MAGI2: variants seen among roughly 807,000 people sequenced by gnomAD.
MAGI2 encodes the protein membrane associated guanylate kinase, WW and PDZ domain containing 2, also known as membrane-associated guanylate kinase, WW and PDZ domain-containing protein 2.
A neutral mutation model predicts 133.3 loss-of-function variants in MAGI2; 35 were observed. The ratio of observed to expected loss-of-function variants is 0.26; its 90% confidence interval spans 0.20 to 0.35. MAGI2 has a LOEUF of 0.35. MAGI2 is among the 10% of genes least tolerant of loss of function. MAGI2 has a pLI of 1.00. For synonymous variants in MAGI2, 729 were observed against 710.6 expected, an observed-to-expected ratio of 1.03 and a Z score of -0.41; for missense variants, 1,636 against 1,863.4, an observed-to-expected ratio of 0.88 and a Z score of 2.25.
intron 9 of MAGI2, among the ~76,000 whole-genome samples, chr7:78,269,768 A>C (rs1189947686): frequency 6.6e-6 from 1 of 152,088 alleles, no homozygotes; most frequent in African/African-American, 2.4e-5. Context: ...GAAGGCCTTT[A>C]ATTAGATCCC....
At chr7:79,384,045 T>C (rs1380058155) in intron 1 of MAGI2, among the ~76,000 whole-genome samples, 1 of 151,598 alleles carries the variant, frequency 6.6e-6, no homozygotes, top group African/African-American at 2.4e-5. Flanking sequence ...TGAATATTTA[T>C]TTAATGGTTT....
rs1584992452 is a variant in MAGI2, at chr7:78,065,767, G to A, written c.3706+13180C>T. 8.5e-6 allele frequency: 4 copies of A among 468,096 alleles called. No homozygotes were observed. In the East Asian group the frequency reaches 1.3e-4, roughly 15 times the overall value. The allele number at this position is 468,096 out of a possible 1,614,324, so 29.0% of individuals were successfully genotyped here. Reference sequence around the variant, plus strand: ...GAATCAAGATTGCTTAGTATGTTTAGAGCAGTTGAATAAAAATTATCTAGG... The same window carrying A: ...GAATCAAGATTGCTTAGTATGTTTAAAGCAGTTGAATAAAAATTATCTAGG... On this transcript the variant is annotated intron_variant, in intron 21 of 21. Coordinates refer to ENST00000354212, the MANE Select transcript of MAGI2 (RefSeq NM_012301.4).
chr7:78,886,922 T>A (rs181894807), intron 2 of MAGI2, among the ~76,000 whole-genome samples: 6 of 152,116 alleles, frequency 3.9e-5, no homozygotes, highest in Non-Finnish European at 8.8e-5. Flanking sequence ...GTCCCCACCA[T>A]GGTATTCTCA....
chr7:78,379,894 T>C lies in MAGI2; in HGVS notation c.1046-10681A>G, dbSNP rs1346384953. ...GTAGATGTTAGTGTCAAAATTATGA[T>C]CAAAGAAAATTTCATCTAGAAATTA... On this transcript the variant is annotated intron_variant, in intron 6 of 21. Transcript: ENST00000354212. Among the ~76,000 whole-genome samples the C allele has an allele frequency of 2.6e-5, 4 of 152,032 alleles. No individual in the cohort carries two copies. In the East Asian group the frequency reaches 7.7e-4, roughly 29 times the overall value.
At chr7:78,077,858 T>A (rs959883116) in intron 21 of MAGI2, among the ~76,000 whole-genome samples, 3 of 149,952 alleles carry the variant, frequency 2.0e-5, no homozygotes, top group Non-Finnish European at 4.4e-5. Context: ...GCCTCCCGAG[T>A]ACATGGGATT....
intron 2 of MAGI2, among the ~76,000 whole-genome samples, chr7:78,761,015 C>T (rs1824456092): frequency 6.6e-6 from 1 of 152,204 alleles, no homozygotes; most frequent in African/African-American, 2.4e-5. Context: ...AATGTCAAAA[C>T]ATTCTTACCA....
intron 2 of MAGI2, among the ~76,000 whole-genome samples, chr7:78,721,905 A>G (rs1314197708): frequency 2.0e-5 from 3 of 151,932 alleles, no homozygotes; most frequent in Non-Finnish European, 2.9e-5. Flanking sequence ...TAAATCAAAG[A>G]ACTGACATAA....
At chr7:78,161,203 C>A (rs1402130773) in intron 15 of MAGI2, among the ~76,000 whole-genome samples, 1 of 152,056 alleles carries the variant, frequency 6.6e-6, no homozygotes, top group Non-Finnish European at 1.5e-5. Flanking sequence ...TGAGAAAAAG[C>A]CAGCATATTT....
intron 6 of MAGI2, among the ~76,000 whole-genome samples, chr7:78,420,647 A>C (rs1307117354): frequency 1.3e-5 from 2 of 151,948 alleles, no homozygotes; most frequent in African/African-American, 4.8e-5. Flanking sequence ...CAGTTATCAT[A>C]ACATAAGGAT....
At chr7:78,041,973 G>C (rs1342959635) in intron 21 of MAGI2, among the ~76,000 whole-genome samples, 1 of 152,142 alleles carries the variant, frequency 6.6e-6, no homozygotes, top group African/African-American at 2.4e-5. Context: ...GGGGTCTGCC[G>C]CATTGCGGAC....
intron 1 of MAGI2, among the ~76,000 whole-genome samples, chr7:79,357,841 C>T (rs546435392): frequency 6.6e-6 from 1 of 152,040 alleles, no homozygotes. Flanking sequence ...ATAAAAAAAC[C>T]TTGTCTCCTA....
chr7:78,774,380 A>G (rs539325374), intron 2 of MAGI2, among the ~76,000 whole-genome samples: 21 of 152,210 alleles, frequency 1.4e-4, no homozygotes, highest in Non-Finnish European at 2.8e-4. Flanking sequence ...TCATAAACAT[A>G]GGAAACACAG....
chr7:78,623,939 A>G (rs1808028345), intron 3 of MAGI2, among the ~76,000 whole-genome samples: 1 of 152,124 alleles, frequency 6.6e-6, no homozygotes. Flanking sequence ...TGTTAGTATA[A>G]CAAAACCTAC....
intron 1 of MAGI2, among the ~76,000 whole-genome samples, chr7:79,158,290 T>C (rs1824016302): frequency 1.3e-5 from 2 of 152,058 alleles, no homozygotes; most frequent in Admixed American, 1.3e-4. Context: ...TACACAACGT[T>C]TCACTACTAA....
chr7:78,432,876 G>T (rs555952279), intron 6 of MAGI2, among the ~76,000 whole-genome samples: 62 of 151,908 alleles, frequency 4.1e-4, no homozygotes, highest in African/African-American at 1.5e-3. Flanking sequence ...CTAGCCAGGG[G>T]GTAAAGTATA....
chr7:78,760,639 G>C (rs188669818), intron 2 of MAGI2, among the ~76,000 whole-genome samples: 11 of 152,292 alleles, frequency 7.2e-5, no homozygotes, highest in African/African-American at 2.6e-4. Context: ...TTATGGAGAA[G>C]TGGCCTAAAT....
At chr7:78,529,667 GGTTTTTTTTT>G (rs1797277645) in intron 3 of MAGI2, among the ~76,000 whole-genome samples, 1 of 56,320 alleles carries the variant, frequency 1.8e-5, no homozygotes, top group African/African-American at 6.5e-5. Flanking sequence ...TAAAGGAGAT[GGTTTTTTTTT>G]TTTTTTTTTT....
chr7:78,539,753 G>T (rs1798253134), intron 3 of MAGI2, among the ~76,000 whole-genome samples: 1 of 152,188 alleles, frequency 6.6e-6, no homozygotes, highest in Non-Finnish European at 1.5e-5. Flanking sequence ...TCTGTCTTCA[G>T]GTCTCTCGGC....
chr7:78,560,778 T>C (rs1158444332), intron 3 of MAGI2, among the ~76,000 whole-genome samples: 1 of 152,232 alleles, frequency 6.6e-6, no homozygotes, highest in Non-Finnish European at 1.5e-5. Context: ...ACAATCATCC[T>C]GCTCTTATAA....
Sources: gnomAD v4.1 joint callset for allele counts (sites outside exome capture counted in the v4.1 genomes callset) on GRCh38, gnomAD v4.1.1 for gene constraint, MANE v1.5 for transcripts, NCBI Gene and HGNC (gene_info 2026-07-23, HGNC 2026-07-21) for gene names.